Variants in ST6GALNAC5 observed in about 807,000 individuals in gnomAD.
ST6GALNAC5 encodes the protein ST6 N-acetylgalactosaminide alpha-2,6-sialyltransferase 5, also known as alpha-N-acetylgalactosaminide alpha-2,6-sialyltransferase 5.
Under a neutral mutation model 33.6 loss-of-function variants are expected in ST6GALNAC5, and 27 were observed. The ratio of observed to expected loss-of-function variants is 0.80; its 90% CI spans 0.59 to 1.11. ST6GALNAC5 has a LOEUF of 1.11. Ranked by LOEUF, ST6GALNAC5 falls within the 50% of genes least tolerant of loss-of-function variation. The pLI is 0.00. For missense variants in ST6GALNAC5, 428 were observed against 454.0 expected (o/e 0.94, Z 0.52); for synonymous variants, 194 against 171.2 (o/e 1.13, Z -1.04).
chr1:77,030,353 G>A (rs773143018), intron 2 of ST6GALNAC5, among the ~76,000 whole-genome samples: 1 of 152,118 alleles, frequency 6.6e-6, no homozygotes, highest in Non-Finnish European at 1.5e-5. Flanking sequence ...TAACCCCTGA[G>A]CCCCTGTTTC....
At chr1:76,992,366 C>T (rs988003435) in intron 2 of ST6GALNAC5, among the ~76,000 whole-genome samples, 1 of 152,240 alleles carries the variant, frequency 6.6e-6, no homozygotes, top group Non-Finnish European at 1.5e-5. Flanking sequence ...CATAGGTTCT[C>T]AGTGTCTTCC....
chr1:76,980,410 A>C (rs1649201585), intron 2 of ST6GALNAC5, among the ~76,000 whole-genome samples: 1 of 152,176 alleles, frequency 6.6e-6, no homozygotes, highest in Non-Finnish European at 1.5e-5. Context: ...GTTTTCTTTG[A>C]GGCCTAGTGG....
At chr1:77,051,000 G>A (rs548767972) in intron 4 of ST6GALNAC5, among the ~76,000 whole-genome samples, 2 of 152,256 alleles carry the variant, frequency 1.3e-5, no homozygotes, top group African/African-American at 2.4e-5. Context: ...TTGAAAACTC[G>A]CCTGTAATTT....
At chr1:76,930,189 T>G (rs1318420852) in intron 2 of ST6GALNAC5, among the ~76,000 whole-genome samples, 2 of 152,168 alleles carry the variant, frequency 1.3e-5, no homozygotes, top group East Asian at 3.9e-4. Flanking sequence ...CTGTCTTTCA[T>G]TCTTTGTCTT....
At chr1:76,938,499 G>C (rs1347592993) in intron 2 of ST6GALNAC5, among the ~76,000 whole-genome samples, 1 of 152,076 alleles carries the variant, frequency 6.6e-6, no homozygotes, top group African/African-American at 2.4e-5. Context: ...ACTCTCCAGA[G>C]AGCTTATTTC....
chr1:77,065,427 A>C lies in ST6GALNAC5; in HGVS notation c.*2221A>C, dbSNP rs1557781056. The stretch of plus-strand genomic sequence containing the variant: ...CCCTCTCAAATACTCAGAAGAATGA[A>C]GAGGCCAAATTCAGAAAATCATGGC... On this transcript the variant is annotated 3_prime_UTR_variant, in exon 5 of 5. Coordinates refer to ENST00000477717, the MANE Select transcript of ST6GALNAC5 (RefSeq NM_030965.3). 1 of 152,214 alleles carries C rather than the reference A, an allele frequency of 6.6e-6. No individual in the cohort carries two copies. The highest frequency in any genetic ancestry group is 1.5e-5 in the Non-Finnish European group (1 of 68,026). 9.4% of individuals were successfully genotyped at this position (152,214 alleles called of 1,614,324 possible). A position where few individuals can be genotyped will look rare whatever the true frequency, so the allele number is the denominator to read the frequency against.
intron 2 of ST6GALNAC5, among the ~76,000 whole-genome samples, chr1:77,006,536 T>A (rs920173680): frequency 6.6e-6 from 1 of 152,066 alleles, no homozygotes; most frequent in African/African-American, 2.4e-5. Context: ...TTGCCCAGGC[T>A]GGTCTCAAAC....
intron 2 of ST6GALNAC5, among the ~76,000 whole-genome samples, chr1:77,040,437 G>A (rs1358773666): frequency 6.6e-6 from 1 of 152,126 alleles, no homozygotes; most frequent in Non-Finnish European, 1.5e-5. Flanking sequence ...AAATCAAGAG[G>A]GTGGCTTTTG....
intron 2 of ST6GALNAC5, among the ~76,000 whole-genome samples, chr1:76,940,777 T>A (rs549308036): frequency 6.6e-6 from 1 of 152,258 alleles, no homozygotes; most frequent in African/African-American, 2.4e-5. Context: ...AACGCCTTTC[T>A]CTTTCATGGC....
At chr1:77,046,832 C>T (rs975169002) in intron 3 of ST6GALNAC5, among the ~76,000 whole-genome samples, 2 of 152,042 alleles carry the variant, frequency 1.3e-5, no homozygotes, top group Non-Finnish European at 2.9e-5. Flanking sequence ...AAAACACTGC[C>T]GCAATGTTAG....
chr1:76,902,644 C>T (rs145863927), intron 2 of ST6GALNAC5, among the ~76,000 whole-genome samples: 2,021 of 152,116 alleles, frequency 0.013, 46 homozygotes, highest in African/African-American at 0.046. Context: ...TCAAAACTTA[C>T]AATAAAGTGA....
At chr1:77,044,935 C>G (rs1207025294) in intron 3 of ST6GALNAC5, among the ~76,000 whole-genome samples, 1 of 151,802 alleles carries the variant, frequency 6.6e-6, no homozygotes, top group Non-Finnish European at 1.5e-5. Flanking sequence ...TTGCATAAAC[C>G]CTCACCAAAA....
chr1:76,971,287 TA>T (rs1171108830), intron 2 of ST6GALNAC5, among the ~76,000 whole-genome samples: 2 of 152,144 alleles, frequency 1.3e-5, no homozygotes, highest in African/African-American at 4.8e-5. Flanking sequence ...TGGGCAATCT[TA>T]GTTTCATGGC....
chr1:76,875,444 C>CATCTTGAT (rs1311696692), intron 2 of ST6GALNAC5, among the ~76,000 whole-genome samples: 1 of 152,178 alleles, frequency 6.6e-6, no homozygotes, highest in East Asian at 1.9e-4. Context: ...GGACTGATTT[C>CATCTTGAT]ATCTTGATAG....
intron 2 of ST6GALNAC5, among the ~76,000 whole-genome samples, chr1:76,977,307 C>T (rs946945732): frequency 3.3e-5 from 5 of 152,102 alleles, no homozygotes; most frequent in Non-Finnish European, 7.4e-5. Flanking sequence ...ATTTATCTCT[C>T]TTTGTGGAAA....
At chr1:77,048,021 A>AC (rs1427787007) in intron 3 of ST6GALNAC5, among the ~76,000 whole-genome samples, 1 of 152,206 alleles carries the variant, frequency 6.6e-6, no homozygotes, top group Non-Finnish European at 1.5e-5. Context: ...ATAGCACGTG[A>AC]CCCCAGAAGG....
At chr1:76,896,627 G>T (rs4562675) in intron 2 of ST6GALNAC5, among the ~76,000 whole-genome samples, 53,187 of 151,918 alleles carry the variant, frequency 0.35, 10,381 homozygotes, top group Non-Finnish European at 0.44. Flanking sequence ...ATGGGGGTCA[G>T]GTGTGGTATC....
At chr1:77,036,171 T>A (rs1179812214) in intron 2 of ST6GALNAC5, among the ~76,000 whole-genome samples, 1 of 152,174 alleles carries the variant, frequency 6.6e-6, no homozygotes, top group Non-Finnish European at 1.5e-5. Flanking sequence ...CACAAAAGAC[T>A]ATATATTTTA....
At chr1:77,019,509 G>T (rs1471421653) in intron 2 of ST6GALNAC5, among the ~76,000 whole-genome samples, 7 of 152,210 alleles carry the variant, frequency 4.6e-5, no homozygotes, top group Non-Finnish European at 1.0e-4. Flanking sequence ...AGCAGTTCAT[G>T]CAGGCAATTC....
Sources: allele counts gnomAD v4.1 joint callset (sites outside exome capture counted in the v4.1 genomes callset), GRCh38; gene constraint gnomAD v4.1.1; transcripts MANE v1.5; gene names NCBI Gene and HGNC (gene_info 2026-07-23, HGNC 2026-07-21).